HS6ST3: variants seen among roughly 807,000 people sequenced by gnomAD.
HS6ST3 encodes heparan-sulfate 6-O-sulfotransferase 3.
HS6ST3 carries 12 observed loss-of-function variants against 36.7 expected under a neutral mutation model. The observed-to-expected ratio is 0.33, with a 90% confidence interval of 0.21 to 0.53. The LOEUF is 0.53. Among genes scored for constraint, HS6ST3 ranks in the 20% least tolerant of loss-of-function variants. The pLI is 0.95. For missense variants in HS6ST3, 584 were observed against 640.9 expected (o/e 0.91, Z 0.96); for synonymous variants, 240 against 257.5 (o/e 0.93, Z 0.65).
intron 1 of HS6ST3, among the ~76,000 whole-genome samples, chr13:96,545,077 A>T (rs557671879): frequency 6.6e-6 from 1 of 152,348 alleles, no homozygotes; most frequent in African/African-American, 2.4e-5. Context: ...ATGTGAGAAC[A>T]TAGCTGTATA....
intron 1 of HS6ST3, among the ~76,000 whole-genome samples, chr13:96,241,784 T>C (rs1263160587): frequency 6.7e-6 from 1 of 148,156 alleles, no homozygotes; most frequent in Non-Finnish European, 1.5e-5. Context: ...TCTTTTTTCT[T>C]TCTTTTTTTT....
chr13:96,355,249 C>A (rs912628725), intron 1 of HS6ST3, among the ~76,000 whole-genome samples: 9 of 152,074 alleles, frequency 5.9e-5, no homozygotes, highest in Admixed American at 2.0e-4. Context: ...GGGAGGAGGT[C>A]AAAATATCAC....
chr13:96,153,515 AG>A (rs2054096946), intron 1 of HS6ST3, among the ~76,000 whole-genome samples: 1 of 152,222 alleles, frequency 6.6e-6, no homozygotes, highest in African/African-American at 2.4e-5. Context: ...GCTATGTGAA[AG>A]GTTAGGTTGT....
At chr13:96,814,447 T>C (rs1878379595) in intron 1 of HS6ST3, among the ~76,000 whole-genome samples, 1 of 152,178 alleles carries the variant, frequency 6.6e-6, no homozygotes, top group Non-Finnish European at 1.5e-5. Context: ...AGGTTCTTCC[T>C]CTCTGGAAGC....
rs2055524604 is a variant in HS6ST3 at position 96,414,722 on chromosome 13, T to A, written c.707+323153T>A. Among the ~76,000 whole-genome samples the A allele has an allele frequency of 2.0e-5, 3 of 152,342 alleles. No individual in the cohort carries two copies. In the South Asian group the frequency reaches 6.2e-4, roughly 32 times the overall value. ...GTTTAGAACTTCTGACCTCAGGTGA[T>A]CTGCCCACCTTGGCCTCCCAAAGTG... On this transcript the variant is annotated intron_variant, in intron 1 of 1. Transcript: ENST00000376705.
chr13:96,700,262 A>T (rs761122475), intron 1 of HS6ST3, among the ~76,000 whole-genome samples: 1 of 152,158 alleles, frequency 6.6e-6, no homozygotes, highest in Non-Finnish European at 1.5e-5. Flanking sequence ...GGCAAGAGAG[A>T]ATGAGAACCA....
At chr13:96,590,723 G>T (rs2056379003) in intron 1 of HS6ST3, among the ~76,000 whole-genome samples, 1 of 151,866 alleles carries the variant, frequency 6.6e-6, no homozygotes, top group Non-Finnish European at 1.5e-5. Context: ...TTTTTGCTTT[G>T]GTTGCCTATA....
intron 1 of HS6ST3, among the ~76,000 whole-genome samples, chr13:96,110,597 C>A (rs958334212): frequency 2.0e-5 from 3 of 151,904 alleles, no homozygotes; most frequent in Non-Finnish European, 4.4e-5. Context: ...CCACCATGCC[C>A]GGCTAATTTT....
chr13:96,461,722 A>G (rs2055785262), intron 1 of HS6ST3, among the ~76,000 whole-genome samples: 1 of 152,152 alleles, frequency 6.6e-6, no homozygotes, highest in South Asian at 2.1e-4. Context: ...TTGAACTTTC[A>G]CATCTGTGCC....
intron 1 of HS6ST3, among the ~76,000 whole-genome samples, chr13:96,267,850 A>G (rs1048183828): frequency 6.6e-6 from 1 of 151,918 alleles, no homozygotes; most frequent in African/African-American, 2.4e-5. Context: ...GTTGGTTACC[A>G]TTGGGCTTAT....
chr13:96,122,005 T>G (rs1566887349), intron 1 of HS6ST3, among the ~76,000 whole-genome samples: 1 of 152,206 alleles, frequency 6.6e-6, no homozygotes, highest in East Asian at 1.9e-4. Context: ...TCATTTACTC[T>G]TACTTTTTCA....
intron 1 of HS6ST3, among the ~76,000 whole-genome samples, chr13:96,713,823 T>C (rs1005525868): frequency 1.3e-5 from 2 of 152,114 alleles, no homozygotes; most frequent in Non-Finnish European, 2.9e-5. Flanking sequence ...AAAATCAATA[T>C]TTCAGAAGAC....
At chr13:96,465,562 A>G (rs967630144) in intron 1 of HS6ST3, among the ~76,000 whole-genome samples, 1 of 152,166 alleles carries the variant, frequency 6.6e-6, no homozygotes, top group Admixed American at 6.5e-5. Context: ...TAAGGATGCA[A>G]CCCACAGGTG....
In HS6ST3 at chr13:96,263,587, G is replaced by C. The variant is rs139054188; in HGVS notation, c.707+172018G>C. Among the ~76,000 whole-genome samples, 109 of 152,258 alleles carry C rather than the reference G, an allele frequency of 7.2e-4. 2 individuals are homozygous for C. Among genetic ancestry groups the C allele is most frequent in the African/African-American group, 2.5e-3 (105 of 41,556 alleles). On this transcript the variant is annotated intron_variant, in intron 1 of 1. Coordinates refer to ENST00000376705, the MANE Select transcript of HS6ST3 (RefSeq NM_153456.4). The stretch of plus-strand genomic sequence containing the variant: ...AGACATAAGAATATCAATATTGTTT[G>C]GGTGGAAAATTATTCAAGAAATGTG...
At chr13:96,156,295 C>T (rs990275052) in intron 1 of HS6ST3, among the ~76,000 whole-genome samples, 5 of 152,092 alleles carry the variant, frequency 3.3e-5, no homozygotes, top group Non-Finnish European at 5.9e-5. Context: ...TTCCTAGCAT[C>T]GGTGCTATAC....
At chr13:96,650,215 T>C (rs2056602789) in intron 1 of HS6ST3, among the ~76,000 whole-genome samples, 1 of 152,094 alleles carries the variant, frequency 6.6e-6, no homozygotes, top group Non-Finnish European at 1.5e-5. Flanking sequence ...ATATATGTCA[T>C]ACCTATTGTT....
chr13:96,210,477 C>A (rs2139357075), intron 1 of HS6ST3, among the ~76,000 whole-genome samples: 1 of 152,242 alleles, frequency 6.6e-6, no homozygotes, highest in South Asian at 2.1e-4. Flanking sequence ...TACCCATAGC[C>A]TTAGTAGAAT....
chr13:96,358,027 G>A (rs574990000), intron 1 of HS6ST3, among the ~76,000 whole-genome samples: 1 of 152,116 alleles, frequency 6.6e-6, no homozygotes, highest in Non-Finnish European at 1.5e-5. Flanking sequence ...ATTCAAAGCA[G>A]GGTTGCCACA....
intron 1 of HS6ST3, among the ~76,000 whole-genome samples, chr13:96,696,533 C>T (rs1566432016): frequency 6.6e-6 from 1 of 152,106 alleles, no homozygotes; most frequent in Non-Finnish European, 1.5e-5. Flanking sequence ...ATACACTGAC[C>T]AACAACAGCA....
Sources: gnomAD v4.1 joint callset for allele counts (sites outside exome capture counted in the v4.1 genomes callset) on GRCh38, gnomAD v4.1.1 for gene constraint, MANE v1.5 for transcripts, NCBI Gene and HGNC (gene_info 2026-07-23, HGNC 2026-07-21) for gene names.